Variants in ARHGEF11 observed in about 807,000 individuals in gnomAD.
ARHGEF11 encodes the protein Rho guanine nucleotide exchange factor 11, also known as Rho guanine exchange factor (GEF) 11.
Under a neutral mutation model 193.7 loss-of-function variants are expected in ARHGEF11, and 55 were observed. The observed-to-expected ratio is 0.28, with a 90% CI of 0.23 to 0.36. The LOEUF (loss-of-function observed/expected upper bound fraction) is 0.36, where lower values mean the gene tolerates loss of function less well. Among genes scored for constraint, ARHGEF11 ranks in the 10% least tolerant of loss-of-function variants. The pLI, the probability that ARHGEF11 is intolerant of heterozygous loss-of-function variation, is 1.00. For synonymous variants in ARHGEF11, 693 were observed against 768.0 expected, an observed-to-expected ratio of 0.90 and a Z score of 1.62; for missense variants, 1,723 against 2,005.6, an observed-to-expected ratio of 0.86 and a Z score of 2.69.
chr1:156,964,505 C>T (rs1661428095), intron 11 of ARHGEF11, among the ~76,000 whole-genome samples: 1 of 152,156 alleles, frequency 6.6e-6, no homozygotes, highest in Admixed American at 6.5e-5. Context: ...CCTATGATAC[C>T]CTCCTAACCC....
chr1:157,026,899 G>A (rs893044382), intron 1 of ARHGEF11, among the ~76,000 whole-genome samples: 5 of 152,204 alleles, frequency 3.3e-5, no homozygotes, highest in African/African-American at 1.2e-4. Flanking sequence ...ACAAACGGGT[G>A]GAGAACTTGG....
At chr1:156,971,654 C>A in intron 8 of ARHGEF11, 43 bp downstream of exon 8, 1 of 1,590,476 alleles carries the variant, frequency 6.3e-7, no homozygotes, top group South Asian at 1.1e-5. Context: ...ACCCCCAGTT[C>A]TACTGCATGT....
intron 1 of ARHGEF11, among the ~76,000 whole-genome samples, chr1:157,027,865 C>G (rs976116311): frequency 6.6e-6 from 1 of 152,146 alleles, no homozygotes; most frequent in Non-Finnish European, 1.5e-5. Context: ...TTTAAGAAGT[C>G]AGCTACTCTG....
At chr1:156,963,696 C>T (rs1661304647) in intron 11 of ARHGEF11, 102 bp from the exon 12 acceptor site, 18 of 1,521,008 alleles carry the variant, frequency 1.2e-5, no homozygotes, top group Non-Finnish European at 1.5e-5. Context: ...ACTCACAAAG[C>T]CACCCGGGTC....
intron 1 of ARHGEF11, among the ~76,000 whole-genome samples, chr1:157,034,296 C>T (rs181813100): frequency 5.9e-5 from 9 of 152,322 alleles, no homozygotes; most frequent in Admixed American, 5.9e-4. Flanking sequence ...GAAGGCCCTG[C>T]TCTGGGAAAT....
intron 3 of ARHGEF11, among the ~76,000 whole-genome samples, chr1:156,983,427 T>A (rs1262305027): frequency 6.6e-6 from 1 of 152,128 alleles, no homozygotes; most frequent in African/African-American, 2.4e-5. Flanking sequence ...TTTCACCATG[T>A]TAGCCAGGAT....
At chr1:156,972,776 C>T (rs1247784690) in intron 7 of ARHGEF11, among the ~76,000 whole-genome samples, 1 of 152,192 alleles carries the variant, frequency 6.6e-6, no homozygotes, top group Non-Finnish European at 1.5e-5. Flanking sequence ...AAAACATCTT[C>T]AGTCATCTTT....
Position 156,935,684 on chromosome 1 carries a change from C to A in ARHGEF11, c.*316G>T, listed in dbSNP as rs1255280420. 2 of 297,396 alleles carry A rather than the reference C, an allele frequency of 6.7e-6. No homozygotes were observed. The highest frequency in any genetic ancestry group is 9.9e-5 in the Admixed American group (2 of 20,196). 18.4% of individuals were successfully genotyped at this position (297,396 alleles called of 1,614,324 possible). ...TGTCTGAGGGCAGCGCACATACAGGCGTGCGCGTGTACACACATATGTGGG... is the reference window on the plus strand; with the variant it reads ...TGTCTGAGGGCAGCGCACATACAGGAGTGCGCGTGTACACACATATGTGGG... On this transcript the variant is annotated 3_prime_UTR_variant, in exon 41 of 41. Transcript: ENST00000368194.
At chr1:157,042,060 T>C (rs758556766) in intron 1 of ARHGEF11, among the ~76,000 whole-genome samples, 7 of 152,122 alleles carry the variant, frequency 4.6e-5, no homozygotes, top group South Asian at 2.1e-4. Context: ...AAAGTTACAA[T>C]TGAATAAGCC....
At chr1:157,004,769 T>C (rs1212309684) in intron 1 of ARHGEF11, among the ~76,000 whole-genome samples, 1 of 152,142 alleles carries the variant, frequency 6.6e-6, no homozygotes, top group Non-Finnish European at 1.5e-5. Flanking sequence ...CCTCCCCTCA[T>C]TCCCTCCTTT....
intron 25 of ARHGEF11, 148 bp from the exon 26 acceptor site, chr1:156,947,598 C>T (rs1571192045): frequency 7.5e-7 from 1 of 1,341,468 alleles, no homozygotes; most frequent in East Asian, 2.5e-5. Context: ...TTTTCTCTTA[C>T]TCCAAGGGCC....
In ARHGEF11 at chr1:156,956,549, G is replaced by C. The variant is rs763483544; in HGVS notation, c.1542C>G (p.Phe514Leu). 1.2e-6 allele frequency: 2 copies of C among 1,614,172 alleles called. No individual in the cohort carries two copies. The highest frequency in any genetic ancestry group is 1.7e-6 in the Non-Finnish European group (2 of 1,180,022). ...CATGGCTCATGTAGGTATTGAGGGC[G>C]AAGTCCATGGGGGCGCTGTAAAAGA... ...YEEDRSAPMD[F>L]ALNTYMSHAG... The change falls in exon 19 of 41, where the codon TTC becomes TTG. Residue 514 changes from phenylalanine to leucine, a missense_variant. Physicochemically the swap from Phe to Leu is conservative, Grantham distance 22. Around this residue, in one of 5 missense-constraint regions of ARHGEF11, gnomAD observed 646 missense variants for 710.7 expected, o/e 0.91. Coordinates refer to ENST00000368194, the MANE Select transcript of ARHGEF11 (RefSeq NM_198236.3).
intron 1 of ARHGEF11, among the ~76,000 whole-genome samples, chr1:157,014,875 G>A (rs1269982313): frequency 6.6e-6 from 1 of 152,086 alleles, no homozygotes; most frequent in Admixed American, 6.6e-5. Flanking sequence ...AGGAGACAGT[G>A]CGTACTCTCC....
chr1:156,983,098 C>A (rs1011244146), intron 3 of ARHGEF11, among the ~76,000 whole-genome samples: 14 of 152,210 alleles, frequency 9.2e-5, no homozygotes, highest in Admixed American at 3.3e-4. Flanking sequence ...TTGTTTAAGC[C>A]AAGCCTAGGA....
chr1:156,977,925 A>G (rs1302718368), intron 6 of ARHGEF11, among the ~76,000 whole-genome samples: 5 of 152,178 alleles, frequency 3.3e-5, no homozygotes, highest in Admixed American at 3.3e-4. Context: ...GAGCACTTTT[A>G]GACAGCATCC....
At chr1:157,028,993 C>T (rs1446339053) in intron 1 of ARHGEF11, among the ~76,000 whole-genome samples, 4 of 151,670 alleles carry the variant, frequency 2.6e-5, no homozygotes, top group African/African-American at 9.7e-5. Flanking sequence ...TGGTAAAACC[C>T]CATCTCTACC....
At chr1:156,941,713 C>A (rs528843999) in intron 34 of ARHGEF11, 151 bp downstream of exon 34, 914 of 1,214,198 alleles carry the variant, frequency 7.5e-4, no homozygotes, top group Non-Finnish European at 1.0e-3. Context: ...GGGGCATGTT[C>A]CTCCATCTGC....
At position 156,940,360 on chromosome 1, in the gene ARHGEF11, C is replaced by T. The variant is rs372368827; in HGVS notation, c.3580G>A (p.Gly1194Ser). The T allele has an allele frequency of 6.2e-7, 1 of 1,613,784 alleles. No homozygotes were observed. Among genetic ancestry groups the T allele is most frequent in the East Asian group, 2.2e-5 (1 of 44,876 alleles). Residue 1194 changes from glycine to serine, a missense_variant, in exon 36 of 41, where the codon GGC becomes AGC. Physicochemically the swap from Gly to Ser is moderately conservative, Grantham distance 56. Coordinates refer to ENST00000368194, the MANE Select transcript of ARHGEF11 (RefSeq NM_198236.3). ...CCCAGTTCCTCTTCCTCTGCACTGC[C>T]CTCCTGCTCAGGGTCCTCTAGCAGG... ...QVLLEDPEQE[G>S]SAEEEELGVL... is the part of the protein sequence containing the mutation.
chr1:156,995,934 G>C (rs1186719113), intron 1 of ARHGEF11, among the ~76,000 whole-genome samples: 1 of 152,088 alleles, frequency 6.6e-6, no homozygotes, highest in Non-Finnish European at 1.5e-5. Flanking sequence ...CAGAACACAG[G>C]ACATAGTAGA....
Sources: gnomAD v4.1 joint callset for allele counts (sites outside exome capture counted in the v4.1 genomes callset) on GRCh38, gnomAD v4.1.1 for gene constraint, gnomAD v4.1.1 regional missense constraint, MANE v1.5 for transcripts, NCBI Gene and HGNC (gene_info 2026-07-23, HGNC 2026-07-21) for gene names.